The following PSMA1 variants were observed in gnomAD, a reference collection of about 807,000 sequenced individuals.
PSMA1 encodes proteasome 20S subunit alpha 1, also known as proteasome subunit alpha type-1.
Under a neutral mutation model 38.4 loss-of-function variants are expected in PSMA1, and 3 were observed. That is an observed-to-expected ratio of 0.08 (90% CI 0.04 to 0.20). The LOEUF (loss-of-function observed/expected upper bound fraction) is 0.20, where lower values mean the gene tolerates loss of function less well. Among genes scored for constraint, PSMA1 ranks in the 10% least tolerant of loss-of-function variants. PSMA1 has a pLI of 1.00. For synonymous variants in PSMA1, 101 were observed against 107.1 expected, an observed-to-expected ratio of 0.94 and a Z score of 0.35; for missense variants, 227 against 325.3, an observed-to-expected ratio of 0.70 and a Z score of 2.32.
At chr11:14,640,689 T>C (rs1239706142) in intron 1 of PSMA1, among the ~76,000 whole-genome samples, 1 of 152,186 alleles carries the variant, frequency 6.6e-6, no homozygotes, top group Non-Finnish European at 1.5e-5. Context: ...CAGAAAACAA[T>C]GATCCTTTCT....
At chr11:14,561,966 G>A (rs976172039) in intron 2 of PSMA1, among the ~76,000 whole-genome samples, 3 of 152,198 alleles carry the variant, frequency 2.0e-5, no homozygotes, top group Non-Finnish European at 2.9e-5. Context: ...AAACAGAAGG[G>A]ATTTAATTCA....
rs1554966542 is a variant in PSMA1 at position 14,508,564 on chromosome 11, A to AAAAAAAAAAAAAAAAAAC, written c.625-799_625-798insGTTTTTTTTTTTTTTTTT. On this transcript the variant is annotated intron_variant, in intron 8 of 9. Coordinates refer to ENST00000396394, the MANE Select transcript of PSMA1 (RefSeq NM_002786.4). ...TCTTCCAGTCACCACTCCATCTCAA[A>AAAAAAAAAAAAAAAAAAC]AAAAAAAAAAAAACCCAGATTGTAG... is the stretch of plus-strand genomic sequence containing the variant. Among the ~76,000 whole-genome samples the AAAAAAAAAAAAAAAAAAC allele has an allele frequency of 3.9e-3, 571 of 148,046 alleles. 14 individuals are homozygous for AAAAAAAAAAAAAAAAAAC. The highest frequency in any genetic ancestry group is 6.6e-3 in the Non-Finnish European group (442 of 66,672).
chr11:14,621,540 G>A (rs1453940636), intron 1 of PSMA1, among the ~76,000 whole-genome samples: 1 of 152,042 alleles, frequency 6.6e-6, no homozygotes, highest in East Asian at 1.9e-4. Flanking sequence ...TAAAGAGCTG[G>A]GATTACAGGC....
upstream of PSMA1, among the ~76,000 whole-genome samples, chr11:14,523,802 C>G (rs1183899246): frequency 6.6e-6 from 1 of 150,994 alleles, no homozygotes; most frequent in African/African-American, 2.4e-5. Context: ...AGGTTGGTCT[C>G]AAACTCCTGG....
At chr11:14,518,336 C>G (rs551342546) in intron 2 of PSMA1, among the ~76,000 whole-genome samples, 1 of 152,230 alleles carries the variant, frequency 6.6e-6, no homozygotes, top group South Asian at 2.1e-4. Context: ...AAGACTCAAG[C>G]AATCTACCTT....
chr11:14,575,594 C>A (rs1012555027), intron 2 of PSMA1, among the ~76,000 whole-genome samples: 3 of 152,058 alleles, frequency 2.0e-5, no homozygotes, highest in East Asian at 1.9e-4. Flanking sequence ...TGAACTCATC[C>A]TTTTTTATGG....
At chr11:14,603,414 G>A (rs952562670) in intron 2 of PSMA1, among the ~76,000 whole-genome samples, 1 of 152,186 alleles carries the variant, frequency 6.6e-6, no homozygotes, top group African/African-American at 2.4e-5. Context: ...TTATCTAGGA[G>A]TGATCTGCTC....
At chr11:14,637,910 T>C (rs1033692705) in intron 1 of PSMA1, among the ~76,000 whole-genome samples, 1 of 152,136 alleles carries the variant, frequency 6.6e-6, no homozygotes, top group Non-Finnish European at 1.5e-5. Flanking sequence ...GGAGGTCTCC[T>C]TGGAAAAACT....
At chr11:14,530,685 T>A (rs2575840) in intron 2 of PSMA1, among the ~76,000 whole-genome samples, 1 of 151,854 alleles carries the variant, frequency 6.6e-6, no homozygotes, top group African/African-American at 2.4e-5. Context: ...GGGCAGATCA[T>A]GAGGTCAGGA....
chr11:14,621,247 A>C lies in PSMA1; in HGVS notation c.-165-10096T>G, dbSNP rs143336007. Among the ~76,000 whole-genome samples the C allele has an allele frequency of 2.3e-3, 346 of 151,778 alleles. 1 individual carries two copies. The highest frequency in any genetic ancestry group is 7.8e-3 in the African/African-American group (323 of 41,456). On this transcript the variant is annotated intron_variant, in intron 1 of 10. Transcript: ENST00000418988. ...TAAAAAGCATTTGTCAAAAATTTTA[A>C]CTTTGAGATTTTTCTGAAATTATCT...
chr11:14,523,021 CCTT>C (rs1344974512), upstream of PSMA1, among the ~76,000 whole-genome samples: 1 of 152,148 alleles, frequency 6.6e-6, no homozygotes, highest in Non-Finnish European at 1.5e-5. Flanking sequence ...CCAAACCTGT[CCTT>C]CTGATAATTA....
intron 1 of PSMA1, chr11:14,519,992 A>AT (rs1851500434): frequency 3.8e-6 from 2 of 524,152 alleles, no homozygotes; most frequent in Admixed American, 6.3e-5. Flanking sequence ...ACTAGGAGCT[A>AT]TTCTGGACCG....
At chr11:14,620,204 C>T (rs1852826931) in intron 1 of PSMA1, among the ~76,000 whole-genome samples, 1 of 152,114 alleles carries the variant, frequency 6.6e-6, no homozygotes, top group Non-Finnish European at 1.5e-5. Context: ...TCCTCTATAA[C>T]TAATATTGAC....
intron 1 of PSMA1, among the ~76,000 whole-genome samples, chr11:14,623,672 T>C (rs752617484): frequency 3.3e-5 from 5 of 152,198 alleles, no homozygotes; most frequent in African/African-American, 4.8e-5. Flanking sequence ...GACCAGTTTA[T>C]ATAAGCCAGT....
chr11:14,643,643 G>T (rs1283512427), upstream of PSMA1: 5 of 150,736 alleles, frequency 3.3e-5, no homozygotes, highest in Admixed American at 6.6e-5. Context: ...CGCGGCGCGG[G>T]TGGCGGCGGG....
At chr11:14,560,941 C>T (rs1009963624) in intron 2 of PSMA1, among the ~76,000 whole-genome samples, 5 of 151,996 alleles carry the variant, frequency 3.3e-5, no homozygotes, top group Non-Finnish European at 5.9e-5. Flanking sequence ...TACATACATA[C>T]GATATGCAAG....
At chr11:14,562,168 C>T (rs1337733446) in intron 2 of PSMA1, among the ~76,000 whole-genome samples, 1 of 152,202 alleles carries the variant, frequency 6.6e-6, no homozygotes, top group African/African-American at 2.4e-5. Context: ...GATGAGGTGT[C>T]CCCCAGCTAG....
intron 1 of PSMA1, among the ~76,000 whole-genome samples, chr11:14,628,870 G>A (rs960183566): frequency 8.7e-4 from 131 of 150,448 alleles, no homozygotes; most frequent in South Asian, 2.4e-3. Context: ...TAACTGGTGT[G>A]AGATGGTATC....
At chr11:14,594,328 G>A (rs1013182820) in intron 2 of PSMA1, among the ~76,000 whole-genome samples, 1 of 152,096 alleles carries the variant, frequency 6.6e-6, no homozygotes, top group African/African-American at 2.4e-5. Context: ...CATTTGGAAG[G>A]AGCACTACAA....
Sources: allele counts gnomAD v4.1 joint callset (sites outside exome capture counted in the v4.1 genomes callset), GRCh38; gene constraint gnomAD v4.1.1; transcripts MANE v1.5; gene names NCBI Gene and HGNC (gene_info 2026-07-23, HGNC 2026-07-21).